Variants in RANBP2 observed in about 807,000 individuals in gnomAD.
RANBP2 encodes the protein E3 SUMO-protein ligase RanBP2.
RANBP2 carries 57 observed loss-of-function variants against 303.6 expected under a neutral mutation model. The ratio of observed to expected loss-of-function variants is 0.19; its 90% CI spans 0.15 to 0.23. RANBP2 has a LOEUF of 0.23. Ranked by LOEUF, RANBP2 falls within the 10% of genes least tolerant of loss-of-function variation. RANBP2 has a pLI of 1.00. For synonymous variants in RANBP2, 1,167 were observed against 1,301.5 expected, an observed-to-expected ratio of 0.90 and a Z score of 2.23; for missense variants, 3,138 against 3,780.8, an observed-to-expected ratio of 0.83 and a Z score of 4.46.
At chr2:109,404,583 C>T in the RANBP2 span, among the ~76,000 whole-genome samples, 1 of 152,138 alleles carries the variant, frequency 6.6e-6, no homozygotes, top group African/African-American at 2.4e-5. Context: ...CCACTGGGCA[C>T]CTCCCAGAGG....
the RANBP2 span, among the ~76,000 whole-genome samples, chr2:109,456,221 C>T: frequency 6.2e-4 from 94 of 152,304 alleles, no homozygotes; most frequent in African/African-American, 2.2e-3. Context: ...GTGGCACTGG[C>T]GTTGGCTGGG....
chr2:109,501,760 G>A, the RANBP2 span: 1 of 663,328 alleles, frequency 1.5e-6, no homozygotes, highest in Non-Finnish European at 2.8e-6. Context: ...GGCGCCCCAA[G>A]GGTTCCAGGT....
chr2:109,331,752 G>A, the RANBP2 span, among the ~76,000 whole-genome samples: 1 of 152,164 alleles, frequency 6.6e-6, no homozygotes, highest in South Asian at 2.1e-4. Context: ...ATATTAGGTG[G>A]CCAATAAGTA....
At chr2:109,400,464 T>A in the RANBP2 span, among the ~76,000 whole-genome samples, 4 of 151,812 alleles carry the variant, frequency 2.6e-5, no homozygotes, top group African/African-American at 9.7e-5. Flanking sequence ...TGCACACACA[T>A]ACACATGTGC....
the RANBP2 span, among the ~76,000 whole-genome samples, chr2:109,568,213 G>A: frequency 3.3e-5 from 5 of 152,028 alleles, no homozygotes; most frequent in Non-Finnish European, 5.9e-5. Context: ...CAACAGCAGA[G>A]ATGAGTTGCT....
the RANBP2 span, among the ~76,000 whole-genome samples, chr2:109,650,083 A>G: frequency 6.6e-6 from 1 of 152,174 alleles, no homozygotes; most frequent in African/African-American, 2.4e-5. Context: ...TCTTTTCTCA[A>G]TTGACTCACA....
the RANBP2 span, chr2:108,910,792 C>A: frequency 6.2e-7 from 1 of 1,613,526 alleles, no homozygotes. Flanking sequence ...CCTCTTTCTT[C>A]TCCTCGTCCT....
chr2:108,843,876 G>GTGTGTGTGTGTGTGTGTGT, the RANBP2 span, among the ~76,000 whole-genome samples: 1 of 13,866 alleles, frequency 7.2e-5, no homozygotes, highest in African/African-American at 9.6e-5. Context: ...GTGTGTGTGT[G>GTGTGTGTGTGTGTGTGTGT]TGTTTCTTTC....
chr2:109,598,659 A>G, the RANBP2 span, among the ~76,000 whole-genome samples: 1 of 152,074 alleles, frequency 6.6e-6, no homozygotes. Context: ...CCTGGCCAAC[A>G]TGGTGAAACC....
the RANBP2 span, among the ~76,000 whole-genome samples, chr2:108,859,266 T>C: frequency 6.6e-6 from 1 of 152,208 alleles, no homozygotes; most frequent in Non-Finnish European, 1.5e-5. Flanking sequence ...TCTCATTGAT[T>C]TGTTTGAGCT....
chr2:108,854,651 A>G, the RANBP2 span, among the ~76,000 whole-genome samples: 4 of 152,176 alleles, frequency 2.6e-5, no homozygotes, highest in Admixed American at 2.6e-4. Flanking sequence ...TTACCAGCTC[A>G]CAATTCTTTG....
the RANBP2 span, among the ~76,000 whole-genome samples, chr2:109,051,811 C>T: frequency 6.6e-6 from 1 of 151,198 alleles, no homozygotes; most frequent in Non-Finnish European, 1.5e-5. Flanking sequence ...TGCAGTGGCA[C>T]GGTCTTGGCT....
At chr2:109,550,022 A>G in the RANBP2 span, among the ~76,000 whole-genome samples, 2 of 152,064 alleles carry the variant, frequency 1.3e-5, no homozygotes, top group Non-Finnish European at 2.9e-5. Context: ...GTACTCAAAG[A>G]TCCTTTTAAA....
the RANBP2 span, among the ~76,000 whole-genome samples, chr2:109,145,057 A>C: frequency 6.6e-6 from 1 of 152,228 alleles, no homozygotes; most frequent in Non-Finnish European, 1.5e-5. Context: ...GAAGCTCGTA[A>C]GCAGAGTGTT....
At chr2:109,445,402 A>AAAGGAT in the RANBP2 span, among the ~76,000 whole-genome samples, 57 of 152,386 alleles carry the variant, frequency 3.7e-4, no homozygotes, top group Admixed American at 2.6e-3. Flanking sequence ...TTAAAGCATC[A>AAAGGAT]AAGGATAAGG....
chr2:109,359,171 C>A, the RANBP2 span, among the ~76,000 whole-genome samples: 36 of 152,148 alleles, frequency 2.4e-4, no homozygotes, highest in African/African-American at 8.2e-4. Flanking sequence ...AGACTGTCTT[C>A]ATTATTGTAA....
chr2:109,078,778 C>T, the RANBP2 span, among the ~76,000 whole-genome samples: 8 of 148,726 alleles, frequency 5.4e-5, no homozygotes, highest in East Asian at 2.0e-4. Context: ...GTCAGGAGAT[C>T]GAGACCATTC....
the RANBP2 span, among the ~76,000 whole-genome samples, chr2:109,405,089 C>G: frequency 6.6e-6 from 1 of 151,484 alleles, no homozygotes; most frequent in Non-Finnish European, 1.5e-5. Flanking sequence ...CCTGGGCATA[C>G]TCACCCATGG....
At chr2:108,731,619 C>G (rs1178792441) in intron 4 of RANBP2, 145 bp downstream of exon 4, 1 of 1,466,772 alleles carries the variant, frequency 6.8e-7, no homozygotes, top group Admixed American at 2.3e-5. Flanking sequence ...GTGTTAAAAC[C>G]TTTCTGAGCA....
Sources: allele counts gnomAD v4.1 joint callset (sites outside exome capture counted in the v4.1 genomes callset), GRCh38; gene constraint gnomAD v4.1.1; transcripts MANE v1.5; gene names NCBI Gene and HGNC (gene_info 2026-07-23, HGNC 2026-07-21).